The following GLRA2 variants were observed in gnomAD, a reference collection of about 807,000 sequenced individuals.
GLRA2 encodes the protein glycine receptor subunit alpha-2.
Under a neutral mutation model 31.6 loss-of-function variants are expected in GLRA2, and 11 were observed. That is an observed-to-expected ratio of 0.35 (90% confidence interval 0.22 to 0.58). GLRA2 has a LOEUF of 0.58. GLRA2 is among the 20% of genes least tolerant of loss of function. GLRA2 has a pLI of 0.84. For missense variants in GLRA2, 212 were observed against 351.8 expected (o/e 0.60, Z 3.18); for synonymous variants, 132 against 134.0 (o/e 0.99, Z 0.10).
chrX:14,656,022 G>A (rs2147143242), intron 7 of GLRA2, among the ~76,000 whole-genome samples: 1 of 112,021 alleles, frequency 8.9e-6, no homozygotes, highest in African/African-American at 3.2e-5. Flanking sequence ...TGGAAATGTA[G>A]GATCTCAGTC....
At chrX:14,681,381 A>AATTC (rs773500694) in intron 7 of GLRA2, among the ~76,000 whole-genome samples, 3 of 110,536 alleles carry the variant, frequency 2.7e-5, no homozygotes, top group South Asian at 3.8e-4. Context: ...TCTTTCATTC[A>AATTC]ATTCATTCAT....
intron 2 of GLRA2, among the ~76,000 whole-genome samples, chrX:14,559,186 G>A (rs1331842668): frequency 9.0e-6 from 1 of 111,094 alleles, no homozygotes. Flanking sequence ...TTTTTGATGA[G>A]TCCAAAGCTG....
the GLRA2 span, among the ~76,000 whole-genome samples, chrX:14,473,749 A>T: frequency 8.9e-6 from 1 of 112,218 alleles, no homozygotes; most frequent in Admixed American, 9.5e-5. Context: ...CTATGAAGGG[A>T]TATGATCTTC....
At chrX:14,622,930 T>C (rs1165499461) in intron 7 of GLRA2, among the ~76,000 whole-genome samples, 1 of 112,014 alleles carries the variant, frequency 8.9e-6, no homozygotes, top group Non-Finnish European at 1.9e-5. Context: ...ATCTATAAAT[T>C]ACCTTGGGCA....
At chrX:14,633,818 T>A (rs994933595) in intron 7 of GLRA2, among the ~76,000 whole-genome samples, 5 of 99,144 alleles carry the variant, frequency 5.0e-5, no homozygotes, top group African/African-American at 1.7e-4. Context: ...ATATAGTGCA[T>A]GAAAACTCAC....
the GLRA2 span, among the ~76,000 whole-genome samples, chrX:14,459,450 A>C: frequency 1.0e-4 from 11 of 110,410 alleles, no homozygotes; most frequent in African/African-American, 6.6e-5. Flanking sequence ...TTGAATCTAT[A>C]AATTACCTTG....
Position 14,730,340 on chromosome X carries a change from A to G in GLRA2, c.1214A>G (p.Asp405Gly). 1 of 1,211,179 alleles carries G rather than the reference A, an allele frequency of 8.3e-7. No individual in the cohort carries two copies. Among genetic ancestry groups the G allele is most frequent in the South Asian group, 1.8e-5 (1 of 56,980 alleles). ...CTCCCACAACCGCCAAAAGATGGAG[A>G]TGCTATCAAGAAGAAGTTTGTGGAC... is the stretch of plus-strand genomic sequence containing the variant. ...NPLPQPPKDGDAIKKKFVDRA... is the reference protein window; with the variant it reads ...NPLPQPPKDGGAIKKKFVDRA... Residue 405 changes from aspartate to glycine, a missense_variant, in exon 9 of 9, where the codon GAT becomes GGT. This residue lies in a region of GLRA2 where 42 missense variants were observed against 52.0 expected (regional missense o/e 0.81). Coordinates refer to ENST00000218075, the MANE Select transcript of GLRA2 (RefSeq NM_002063.4).
chrX:14,541,081 A>G (rs1020791275), intron 2 of GLRA2, among the ~76,000 whole-genome samples: 1 of 112,049 alleles, frequency 8.9e-6, no homozygotes, highest in Non-Finnish European at 1.9e-5. Flanking sequence ...ATTTGCTAAT[A>G]TTAATGTGCT....
At chrX:14,654,414 A>G (rs1471801063) in intron 7 of GLRA2, among the ~76,000 whole-genome samples, 2 of 111,666 alleles carry the variant, frequency 1.8e-5, no homozygotes, top group East Asian at 5.6e-4. Flanking sequence ...ATTTTTAGAC[A>G]TAATGCTATT....
the GLRA2 span, among the ~76,000 whole-genome samples, chrX:14,453,548 G>A: frequency 8.9e-6 from 1 of 112,055 alleles, no homozygotes; most frequent in Non-Finnish European, 1.9e-5. Context: ...GCAAGGATGT[G>A]GAGAAACTGG....
At chrX:14,596,062 C>G (rs1316307116) in intron 4 of GLRA2, among the ~76,000 whole-genome samples, 1 of 111,399 alleles carries the variant, frequency 9.0e-6, no homozygotes, top group African/African-American at 3.3e-5. Context: ...TAGAGCTAGT[C>G]TTCCCATGTA....
chrX:14,544,929 C>T (rs73452644), intron 2 of GLRA2, among the ~76,000 whole-genome samples: 2,298 of 111,047 alleles, frequency 0.021, 72 homozygotes, highest in African/African-American at 0.072. Context: ...AGATAAATAA[C>T]GGAGTAGGGG....
At chrX:14,518,397 A>G in the GLRA2 span, among the ~76,000 whole-genome samples, 3 of 111,866 alleles carry the variant, frequency 2.7e-5, no homozygotes, top group South Asian at 1.1e-3. Context: ...TTGCACATGT[A>G]CAACAGAAGA....
intron 7 of GLRA2, among the ~76,000 whole-genome samples, chrX:14,682,573 T>C (rs956307494): frequency 5.4e-5 from 6 of 111,244 alleles, no homozygotes; most frequent in African/African-American, 2.0e-4. Context: ...AATTATACTT[T>C]AAGTTCTAGG....
chrX:14,646,228 T>C (rs1039946369), intron 7 of GLRA2, among the ~76,000 whole-genome samples: 1 of 112,152 alleles, frequency 8.9e-6, no homozygotes, highest in Non-Finnish European at 1.9e-5. Flanking sequence ...GCATAGCCAG[T>C]AAGTGGCAGG....
chrX:14,541,548 T>C (rs1055496488), intron 2 of GLRA2, among the ~76,000 whole-genome samples: 5 of 112,013 alleles, frequency 4.5e-5, no homozygotes, highest in Non-Finnish European at 9.4e-5. Flanking sequence ...AGATGTTGAT[T>C]TCTAATAACC....
Position 14,592,170 on chromosome X carries a change from T to C in GLRA2, c.494+10764T>C, listed in dbSNP as rs191911518. ...CTTCCCAAACCACAAAACACTTTCC[T>C]GATGAGTAAATAAGAGTGCATTCTT... On this transcript the variant is annotated intron_variant, in intron 4 of 8. Transcript: ENST00000218075. 7.1e-3 allele frequency among the ~76,000 whole-genome samples: 792 copies of C among 111,652 alleles called. 4 individuals are homozygous for C. The highest frequency in any genetic ancestry group is 0.011 in the Non-Finnish European group (572 of 53,141).
intron 7 of GLRA2, among the ~76,000 whole-genome samples, chrX:14,683,102 TCTAAATC>T (rs967681540): frequency 1.8e-5 from 2 of 111,873 alleles, no homozygotes; most frequent in African/African-American, 6.5e-5. Context: ...TATTTCTAGT[TCTAAATC>T]CTTGAGGAAT....
At chrX:14,694,389 G>A (rs1454140886) in intron 8 of GLRA2, among the ~76,000 whole-genome samples, 1 of 112,122 alleles carries the variant, frequency 8.9e-6, no homozygotes, top group Non-Finnish European at 1.9e-5. Context: ...TGTGAATATA[G>A]TAGAGAATGA....
Sources: gnomAD v4.1 joint callset for allele counts (sites outside exome capture counted in the v4.1 genomes callset) on GRCh38, gnomAD v4.1.1 for gene constraint, gnomAD v4.1.1 regional missense constraint, MANE v1.5 for transcripts, NCBI Gene and HGNC (gene_info 2026-07-23, HGNC 2026-07-21) for gene names.